RYR3: variants seen among roughly 807,000 people sequenced by gnomAD.
RYR3 encodes ryanodine receptor 3, also known as brain ryanodine receptor-calcium release channel.
In RYR3, 207 loss-of-function variants were observed where a neutral mutation model predicts 584.3. The ratio of observed to expected loss-of-function variants is 0.35; its 90% CI spans 0.32 to 0.40. The LOEUF (loss-of-function observed/expected upper bound fraction) is 0.40, where lower values mean the gene tolerates loss of function less well. RYR3 is among the 10% of genes least tolerant of loss of function. The pLI, the probability that RYR3 is intolerant of heterozygous loss-of-function variation, is 1.00. For synonymous variants in RYR3, 2,416 were observed against 2,248.5 expected (o/e 1.07, Z -2.11); for missense variants, 5,616 against 6,089.2 (o/e 0.92, Z 2.59).
chr15:33,678,743 G>A (rs1035389302), intron 38 of RYR3, among the ~76,000 whole-genome samples: 2 of 152,168 alleles, frequency 1.3e-5, no homozygotes, highest in African/African-American at 2.4e-5. Context: ...ACCATCACGC[G>A]CCTCGAGGGG....
chr15:33,767,696 A>C (rs2073214655), intron 60 of RYR3, among the ~76,000 whole-genome samples: 1 of 152,300 alleles, frequency 6.6e-6, no homozygotes, highest in African/African-American at 2.4e-5. Flanking sequence ...CCCGTGGCCT[A>C]TCCAGGTGGC....
At chr15:33,454,119 A>G (rs978107195) in intron 1 of RYR3, among the ~76,000 whole-genome samples, 1 of 152,212 alleles carries the variant, frequency 6.6e-6, no homozygotes, top group African/African-American at 2.4e-5. Context: ...TGGGAGGCTC[A>G]CTTGACAAAG....
At chr15:33,341,335 G>T (rs565071031) in intron 1 of RYR3, among the ~76,000 whole-genome samples, 9 of 152,112 alleles carry the variant, frequency 5.9e-5, no homozygotes, top group Admixed American at 6.5e-5. Flanking sequence ...CACTGCGCCC[G>T]GTCTGATTCA....
intron 93 of RYR3, among the ~76,000 whole-genome samples, chr15:33,847,786 C>G (rs1344805799): frequency 6.6e-6 from 1 of 152,220 alleles, no homozygotes; most frequent in African/African-American, 2.4e-5. Flanking sequence ...AAGACTGAAT[C>G]TTCTCATTCT....
chr15:33,434,846 C>G (rs1218394863), intron 1 of RYR3, among the ~76,000 whole-genome samples: 1 of 152,076 alleles, frequency 6.6e-6, no homozygotes, highest in Non-Finnish European at 1.5e-5. Flanking sequence ...GAGACAGAGT[C>G]TCGCTCTGTC....
chr15:33,549,755 T>C (rs7163719), intron 9 of RYR3, among the ~76,000 whole-genome samples: 10,346 of 152,288 alleles, frequency 0.068, 1,083 homozygotes, highest in African/African-American at 0.22. Flanking sequence ...AAGATAGGAC[T>C]CTTTGTGGTA....
At chr15:33,383,806 T>A (rs2041375000) in intron 1 of RYR3, among the ~76,000 whole-genome samples, 1 of 152,166 alleles carries the variant, frequency 6.6e-6, no homozygotes, top group Non-Finnish European at 1.5e-5. Flanking sequence ...AAGAGATACA[T>A]ACAGTCGTAT....
At chr15:33,547,953 T>A (rs2056371462) in intron 8 of RYR3, among the ~76,000 whole-genome samples, 177 bp from the exon 9 acceptor site, 1 of 152,184 alleles carries the variant, frequency 6.6e-6, no homozygotes, top group Non-Finnish European at 1.5e-5. Flanking sequence ...CTTTGACCCT[T>A]TCTGAGAGAG....
intron 85 of RYR3, among the ~76,000 whole-genome samples, chr15:33,829,909 C>T (rs564323257): frequency 6.6e-6 from 1 of 152,182 alleles, no homozygotes; most frequent in South Asian, 2.1e-4. Flanking sequence ...AGCAAGAGAA[C>T]TAGAATTAGT....
intron 1 of RYR3, among the ~76,000 whole-genome samples, chr15:33,410,026 A>G (rs910487022): frequency 2.0e-5 from 3 of 152,216 alleles, no homozygotes; most frequent in Admixed American, 2.0e-4. Flanking sequence ...ATAGAAGTCA[A>G]TTTGAAGGAA....
intron 2 of RYR3, among the ~76,000 whole-genome samples, chr15:33,494,242 C>T (rs1056517957): frequency 6.6e-5 from 10 of 152,094 alleles, no homozygotes; most frequent in Admixed American, 3.3e-4. Context: ...CTTCAGCAAG[C>T]GTTTTTCTTA....
rs1293438128 is a variant in RYR3 at position 33,865,530 on chromosome 15, G to A, written c.*304G>A. 2 of 314,144 alleles carry A rather than the reference G, an allele frequency of 6.4e-6. No individual in the cohort carries two copies. The highest frequency in any genetic ancestry group is 1.2e-5 in the Non-Finnish European group (2 of 169,700). The allele number at this position is 314,144 out of a possible 1,614,324, so 19.5% of individuals were successfully genotyped here. A position where few individuals can be genotyped will look rare whatever the true frequency, so the allele number is the denominator to read the frequency against. On this transcript the variant is annotated 3_prime_UTR_variant, in exon 104 of 104. Coordinates refer to ENST00000634891, the MANE Select transcript of RYR3 (RefSeq NM_001036.6). ...ACTAGTTCAGTTTGTTGGGATGGAA[G>A]CATGAAGGAAAGGGCTAGAGAAGTA...
At chr15:33,473,360 C>T in intron 1 of RYR3, 59 bp from the exon 2 acceptor site, 1 of 1,609,280 alleles carries the variant, frequency 6.2e-7, no homozygotes, top group Non-Finnish European at 8.5e-7. Flanking sequence ...AGGAAGGTGA[C>T]TCGGGGCCTG....
At chr15:33,798,829 G>A (rs72715175) in intron 67 of RYR3, among the ~76,000 whole-genome samples, 2,299 of 152,232 alleles carry the variant, frequency 0.015, 30 homozygotes, top group Non-Finnish European at 0.025. Flanking sequence ...TGGAACCAAG[G>A]GCAGTAAGGA....
chr15:33,342,053 G>A (rs1971885072), intron 1 of RYR3, among the ~76,000 whole-genome samples: 1 of 152,180 alleles, frequency 6.6e-6, no homozygotes, highest in South Asian at 2.1e-4. Context: ...AACGAATGAT[G>A]CAGCAAGGGA....
At chr15:33,525,168 C>T (rs1004001036) in intron 3 of RYR3, among the ~76,000 whole-genome samples, 1 of 152,134 alleles carries the variant, frequency 6.6e-6, no homozygotes, top group African/African-American at 2.4e-5. Context: ...TCTCATTTGC[C>T]ATCCGCATCT....
rs1358036177 is a variant in RYR3, at chr15:33,748,102, AT to A, written c.7990-10del. On this transcript the variant is annotated splice_polypyrimidine_tract_variant and intron_variant, in intron 53 of 103. Coordinates refer to ENST00000634891, the MANE Select transcript of RYR3 (RefSeq NM_001036.6). Reference sequence around the variant, plus strand: ...TGTTCTGCAAAGTGCTTCTGCTCAAATTCTCTTCTAGGAGAAGGAAATTTAT... The same window carrying A: ...TGTTCTGCAAAGTGCTTCTGCTCAAATCTCTTCTAGGAGAAGGAAATTTAT... 2.5e-6 allele frequency: 4 copies of A among 1,613,200 alleles called. No homozygotes were observed.
intron 1 of RYR3, among the ~76,000 whole-genome samples, chr15:33,388,999 A>G (rs1177247711): frequency 1.4e-5 from 2 of 148,124 alleles, no homozygotes; most frequent in East Asian, 4.1e-4. Flanking sequence ...AGGACAAAAA[A>G]CCAAACACCG....
intron 17 of RYR3, among the ~76,000 whole-genome samples, chr15:33,602,396 T>C (rs1455833361): frequency 2.6e-5 from 4 of 152,184 alleles, no homozygotes; most frequent in Non-Finnish European, 4.4e-5. Context: ...CTTAATGAGG[T>C]TGCCTAGTAA....
Sources: allele counts gnomAD v4.1 joint callset (sites outside exome capture counted in the v4.1 genomes callset), GRCh38; gene constraint gnomAD v4.1.1; transcripts MANE v1.5; gene names NCBI Gene and HGNC (gene_info 2026-07-23, HGNC 2026-07-21).